Variants in EPS8L1 observed in about 807,000 individuals in gnomAD.
EPS8L1 encodes the protein epidermal growth factor receptor kinase substrate 8-like protein 1.
In EPS8L1, 101 loss-of-function variants were observed where a neutral mutation model predicts 91.7. That is an observed-to-expected ratio of 1.10 (90% CI 0.94 to 1.30). The LOEUF (loss-of-function observed/expected upper bound fraction) is 1.30, where lower values mean the gene tolerates loss of function less well. Ranked by LOEUF, EPS8L1 falls within the 50% of genes most tolerant of loss-of-function variation. EPS8L1 has a pLI of 0.00. For synonymous variants in EPS8L1, 506 were observed against 445.3 expected (o/e 1.14, Z -1.72); for missense variants, 1,114 against 1,017.0 (o/e 1.10, Z -1.30).
Position 55,076,450 on chromosome 19 carries a change from C to G in EPS8L1, c.6C>G (p.Ser2Arg). The change falls in exon 2 of 20, where the codon AGC (serine) becomes AGG (arginine). Residue 2 changes from serine to arginine, a missense_variant. By Grantham distance (110) the Ser-to-Arg change is moderately radical. Coordinates refer to ENST00000201647, the MANE Select transcript of EPS8L1 (RefSeq NM_133180.3). ...AGGAGCTACCACTCAGCACCATGAG[C>G]ACCGCCACAGGGTAAGCGCCCCCGG... Reference protein sequence around the residue: MSTATGPEAAPK... With the variant: MRTATGPEAAPK... 1 of 1,612,392 alleles carries G rather than the reference C, an allele frequency of 6.2e-7. No homozygotes were observed. The highest frequency in any genetic ancestry group is 8.5e-7 in the Non-Finnish European group (1 of 1,179,308).
In EPS8L1 at chr19:55,083,725, T is replaced by A; in HGVS notation, c.1385+81T>A. 1 of 1,540,912 alleles carries A rather than the reference T, an allele frequency of 6.5e-7. No individual in the cohort carries two copies. Among genetic ancestry groups the A allele is most frequent in the Non-Finnish European group, 8.8e-7 (1 of 1,136,968 alleles). On this transcript the variant is annotated intron_variant, in intron 14 of 19. Coordinates refer to ENST00000201647, the MANE Select transcript of EPS8L1 (RefSeq NM_133180.3). This position sits in a 1 kb window ranked among gnomAD's most constrained non-coding sequence, Gnocchi z 4.7. ...GCTCCCGATGCTGACTCCGCCCCCT[T>A]TTTTTCTGTGTTTTTCCTTCTGTCT...
At position 55,076,412 on chromosome 19, in the gene EPS8L1, CCT is replaced by C. The variant is rs1377029339; in HGVS notation, c.-31_-30del. On this transcript the variant is annotated 5_prime_UTR_variant, in exon 2 of 20. Transcript: ENST00000201647. Reference sequence around the variant, plus strand: ...CACATGTTTGCTGGCTCCCAGGGCACCTCCAGGTGGGCAGGAGCTACCACTCA... The same window carrying C: ...CACATGTTTGCTGGCTCCCAGGGCACCCAGGTGGGCAGGAGCTACCACTCA... The C allele has an allele frequency of 1.9e-6, 3 of 1,610,730 alleles. No individual in the cohort carries two copies. The South Asian group carries it at 3.3e-5, about 18-fold the overall frequency.
At position 55,078,129 on chromosome 19, in the gene EPS8L1, G is replaced by A. The variant is rs1260562572; in HGVS notation, c.58+1G>A. On this transcript the variant is annotated splice_donor_variant, in intron 3 of 19. Coordinates refer to ENST00000201647, the MANE Select transcript of EPS8L1 (RefSeq NM_133180.3). LOFTEE classifies it high-confidence loss of function. ...AAGCCAAGCGCCAAGTCTATCTATG[G>A]TGAGCGGGGGGCAAGGGAGCCCCAG... 6.2e-7 allele frequency: 1 copy of A among 1,613,368 alleles called. No homozygotes were observed. Among genetic ancestry groups the A allele is most frequent in the Non-Finnish European group, 8.5e-7 (1 of 1,179,718 alleles).
In EPS8L1 at chr19:55,080,154, G is replaced by A. The variant is rs780074272; in HGVS notation, c.305G>A (p.Gly102Asp). 42 of 1,517,292 alleles carry A rather than the reference G, an allele frequency of 2.8e-5. No individual in the cohort carries two copies. Among genetic ancestry groups the A allele is most frequent in the African/African-American group, 5.5e-5 (4 of 72,134 alleles). 94.0% of individuals were successfully genotyped at this position (1,517,292 alleles called of 1,614,324 possible). A position where few individuals can be genotyped will look rare whatever the true frequency, so the allele number is the denominator to read the frequency against. ...GAGGAGCTGGAGTCGTACCCACTGGGCGCCATCGTGCGCTGTGACGCGGTG... is the reference window on the plus strand; with the variant it reads ...GAGGAGCTGGAGTCGTACCCACTGGACGCCATCGTGCGCTGTGACGCGGTG... ...SKEELESYPL[G>D]AIVRCDAVMP... The change falls in exon 6 of 20, where the codon GGC (glycine) becomes GAC (aspartate). Residue 102 changes from glycine (G) to aspartate (D), a missense_variant. Gly to Asp is a moderately conservative substitution (Grantham distance 94, BLOSUM62 -1). Transcript: ENST00000201647.
At chr19:55,087,026 G>A in intron 18 of EPS8L1, 138 bp downstream of exon 18, 1 of 1,202,220 alleles carries the variant, frequency 8.3e-7, no homozygotes, top group East Asian at 2.8e-5. Context: ...GGGTCTGTCT[G>A]GTAGCAACAC....
At chr19:55,086,637 C>CCCCCCCCCCCCCCCCCCCTGG in intron 17 of EPS8L1, 77 bp from the exon 18 acceptor site, 1 of 1,374,358 alleles carries the variant, frequency 7.3e-7, no homozygotes, top group Non-Finnish European at 1.0e-6. Context: ...GCTGGAGCGC[C>CCCCCCCCCCCCCCCCCCCTGG]CCCCCGCCCC....
Position 55,085,946 on chromosome 19 carries a change from G to A in EPS8L1, c.1491G>A (p.Leu497=), listed in dbSNP as rs1429973679. 1 of 1,613,716 alleles carries A rather than the reference G, an allele frequency of 6.2e-7. No homozygotes were observed. The highest frequency in any genetic ancestry group is 1.7e-5 in the Admixed American group (1 of 60,012). ...TCCAGGCCCGCAACAGCAGTGAGCT[G>A]TCGGTCAAGCAGCGGGACGTACTGG... ...YDFQARNSSE[L]SVKQRDVLEV... is the part of the protein sequence containing the mutation. Residue 497 remains leucine (L), a synonymous_variant, in exon 15 of 20, where the codon CTG becomes CTA. Transcript: ENST00000201647.
rs200225675 is a variant in EPS8L1 at position 55,086,512 on chromosome 19, G to T, written c.1771G>T (p.Glu591Ter). ...TAGCCTCAACGGCTTGGACCCCAGC[G>T]AGAAGGGTGAGTGGTGGGGACGCCG... The part of the protein sequence containing the change: ...CDSLNGLDPS[E>*]KEKFSQMLIV... Residue 591 changes from glutamate to a stop codon, truncating the protein, a stop_gained, in exon 17 of 20, where the codon GAG (glutamate) becomes TAG (stop). Transcript: ENST00000201647. LOFTEE classifies it high-confidence loss of function. 389 of 1,551,202 alleles carry T rather than the reference G, an allele frequency of 2.5e-4. 2 individuals are homozygous for T. Among genetic ancestry groups the T allele is most frequent in the Middle Eastern group, 3.3e-4 (2 of 5,980 alleles).
chr19:55,085,980 G>A lies in EPS8L1; in HGVS notation c.1518+7G>A, dbSNP rs764506929. Reference sequence around the variant, plus strand: ...GCAGCGGGACGTACTGGAGGTTAGAGGAGCGGGAGGCTGAGGGGCAGGAAT... The same window carrying A: ...GCAGCGGGACGTACTGGAGGTTAGAAGAGCGGGAGGCTGAGGGGCAGGAAT... On this transcript the variant is annotated splice_region_variant and intron_variant, in intron 15 of 19. Transcript: ENST00000201647. 6.2e-7 allele frequency: 1 copy of A among 1,610,262 alleles called. No homozygotes were observed. Among genetic ancestry groups the A allele is most frequent in the Non-Finnish European group, 8.5e-7 (1 of 1,176,760 alleles).
rs750883568 is a variant in EPS8L1 at position 55,079,829 on chromosome 19, C to A, written c.257C>A (p.Thr86Lys). The A allele has an allele frequency of 6.2e-7, 1 of 1,613,374 alleles. No homozygotes were observed. The highest frequency in any genetic ancestry group is 1.1e-5 in the South Asian group (1 of 90,916). ...MLLRVSPDHV[T>K]LLDPASKEEL... is the part of the protein sequence containing the mutation. ...CTGCGAGTGTCTCCCGACCATGTCA[C>A]GCTGCTCGACCCGGCCTCCAAGGTG... is the stretch of plus-strand genomic sequence containing the variant. The change falls in exon 5 of 20, where the codon ACG becomes AAG. Residue 86 changes from threonine to lysine, a missense_variant. Transcript: ENST00000201647.
Position 55,087,690 on chromosome 19 carries a change from A to T in EPS8L1, c.*76A>T. 6.7e-7 allele frequency: 1 copy of T among 1,484,418 alleles called. No homozygotes were observed. The highest frequency in any genetic ancestry group is 9.3e-7 in the Non-Finnish European group (1 of 1,074,940). 92.0% of individuals were successfully genotyped at this position (1,484,418 alleles called of 1,614,324 possible). ...CTCCTCAGACTCTCCCCAATAGCGG[A>T]AGTCGATCTTCTGAAGGATGGCCAA... On this transcript the variant is annotated 3_prime_UTR_variant, in exon 20 of 20. Coordinates refer to ENST00000201647, the MANE Select transcript of EPS8L1 (RefSeq NM_133180.3).
At position 55,081,961 on chromosome 19, in the gene EPS8L1, C is replaced by T; in HGVS notation, c.901+62C>T. On this transcript the variant is annotated intron_variant, in intron 9 of 19. Coordinates refer to ENST00000201647, the MANE Select transcript of EPS8L1 (RefSeq NM_133180.3). The surrounding 1 kb of genome is among the most constrained non-coding windows in gnomAD (Gnocchi z 4.9). ...CCGATCTCTTCCAAATGTCCCCGCTCTCCCCAGGCTCTCCCCTCCCGCCAC... is the reference window on the plus strand; with the variant it reads ...CCGATCTCTTCCAAATGTCCCCGCTTTCCCCAGGCTCTCCCCTCCCGCCAC... 2.6e-6 allele frequency: 4 copies of T among 1,564,036 alleles called. No individual in the cohort carries two copies. The highest frequency in any genetic ancestry group is 3.5e-6 in the Non-Finnish European group (4 of 1,154,016).
At position 55,076,466 on chromosome 19, in the gene EPS8L1, G is replaced by T. The variant is rs746106319; in HGVS notation, c.17+5G>T. The T allele has an allele frequency of 6.2e-6, 10 of 1,611,976 alleles. No homozygotes were observed. The highest frequency in any genetic ancestry group is 8.5e-6 in the Non-Finnish European group (10 of 1,179,072). On this transcript the variant is annotated splice_donor_5th_base_variant and intron_variant, in intron 2 of 19. Coordinates refer to ENST00000201647, the MANE Select transcript of EPS8L1 (RefSeq NM_133180.3). ...CACCATGAGCACCGCCACAGGGTAA[G>T]CGCCCCCGGACCCCAGGTCCCAGCC... is the stretch of plus-strand genomic sequence containing the variant.
intron 19 of EPS8L1, 24 bp from the exon 20 acceptor site, chr19:55,087,504 A>C (rs1217062798): frequency 6.2e-7 from 1 of 1,614,178 alleles, no homozygotes; most frequent in South Asian, 1.1e-5. Context: ...GCCAGGACAA[A>C]GCGATTTCCA....
chr19:55,076,434 C>T lies in EPS8L1; in HGVS notation c.-11C>T. ...GCACCTCCAGGTGGGCAGGAGCTACCACTCAGCACCATGAGCACCGCCACA... is the reference window on the plus strand; with the variant it reads ...GCACCTCCAGGTGGGCAGGAGCTACTACTCAGCACCATGAGCACCGCCACA... On this transcript the variant is annotated 5_prime_UTR_variant, in exon 2 of 20. Coordinates refer to ENST00000201647, the MANE Select transcript of EPS8L1 (RefSeq NM_133180.3). The T allele has an allele frequency of 6.2e-7, 1 of 1,612,152 alleles. No individual in the cohort carries two copies. The highest frequency in any genetic ancestry group is 8.5e-7 in the Non-Finnish European group (1 of 1,179,210).
Position 55,082,568 on chromosome 19 carries a change from T to C in EPS8L1, c.1180T>C (p.Trp394Arg). The change falls in exon 12 of 20, where the codon TGG becomes CGG. Residue 394 changes from tryptophan to arginine, a missense_variant. Physicochemically the swap from Trp to Arg is moderately radical, Grantham distance 101. Coordinates refer to ENST00000201647, the MANE Select transcript of EPS8L1 (RefSeq NM_133180.3). ...CGTCACTCCACGTGAAAACGAGCTC[T>C]GGACCTCGCTGGGGGACTCGTGGAC... The part of the protein sequence containing the change: ...DNVTPRENEL[W>R]TSLGDSWTRP... 1 of 1,582,000 alleles carries C rather than the reference T, an allele frequency of 6.3e-7. No homozygotes were observed. Among genetic ancestry groups the C allele is most frequent in the Non-Finnish European group, 8.6e-7 (1 of 1,164,422 alleles).
chr19:55,084,915 C>T (rs541360144), intron 14 of EPS8L1, among the ~76,000 whole-genome samples: 90 of 152,228 alleles, frequency 5.9e-4, no homozygotes, highest in African/African-American at 2.1e-3. Flanking sequence ...CAAACTAAGG[C>T]AGCATTATTC....
rs757347288 is a variant in EPS8L1, at chr19:55,081,930, C to G, written c.901+31C>G. On this transcript the variant is annotated intron_variant, in intron 9 of 19. Coordinates refer to ENST00000201647, the MANE Select transcript of EPS8L1 (RefSeq NM_133180.3). The surrounding 1 kb of genome is among the most constrained non-coding windows in gnomAD (Gnocchi z 4.9). ...GGGCACCCTGGCGTGGGATCTGAAC[C>G]CCCTCCCGATCTCTTCCAAATGTCC... The G allele has an allele frequency of 3.1e-6, 5 of 1,597,324 alleles. No individual in the cohort carries two copies. In the South Asian group the frequency reaches 5.6e-5, roughly 18 times the overall value.
At chr19:55,077,627 C>T (rs1368811687) in intron 2 of EPS8L1, among the ~76,000 whole-genome samples, 50 of 124,510 alleles carry the variant, frequency 4.0e-4, no homozygotes, top group Non-Finnish European at 6.2e-4. Flanking sequence ...TCTCACTCTG[C>T]TGCCAGGCTG....
Sources: allele counts gnomAD v4.1 joint callset (sites outside exome capture counted in the v4.1 genomes callset), GRCh38; gene constraint gnomAD v4.1.1; non-coding constraint Gnocchi (gnomAD v3.1); transcripts MANE v1.5; gene names NCBI Gene and HGNC (gene_info 2026-07-23, HGNC 2026-07-21).